The following RABGAP1L variants were observed in gnomAD, a reference collection of about 807,000 sequenced individuals.
The protein encoded by RABGAP1L is RAB GTPase activating protein 1 like, also known as rab GTPase-activating protein 1-like.
A neutral mutation model predicts 137.7 loss-of-function variants in RABGAP1L; 63 were observed. The ratio of observed to expected loss-of-function variants is 0.46; its 90% CI spans 0.37 to 0.56. The LOEUF is 0.56. RABGAP1L is among the 20% of genes least tolerant of loss of function. RABGAP1L has a pLI of 0.00. For missense variants in RABGAP1L, 1,095 were observed against 1,244.0 expected (o/e 0.88, Z 1.80); for synonymous variants, 431 against 433.7 (o/e 0.99, Z 0.08).
chr1:174,314,544 G>C (rs545503531), intron 11 of RABGAP1L, among the ~76,000 whole-genome samples: 119 of 151,810 alleles, frequency 7.8e-4, no homozygotes, highest in South Asian at 2.1e-3. Flanking sequence ...ACTAATTTTG[G>C]GTTTGGTTTG....
At chr1:174,173,927 A>G (rs903146734) in intron 1 of RABGAP1L, among the ~76,000 whole-genome samples, 6 of 152,216 alleles carry the variant, frequency 3.9e-5, no homozygotes, top group Non-Finnish European at 8.8e-5. Flanking sequence ...GTCTTTACCT[A>G]TCTAGACTCA....
At chr1:174,610,718 T>G (rs1297160216) in intron 13 of RABGAP1L, among the ~76,000 whole-genome samples, 1 of 152,212 alleles carries the variant, frequency 6.6e-6, no homozygotes, top group African/African-American at 2.4e-5. Flanking sequence ...CAGCACCTGT[T>G]CTTTCCTGAC....
intron 14 of RABGAP1L, among the ~76,000 whole-genome samples, chr1:174,640,759 C>T (rs1417520372): frequency 4.6e-5 from 7 of 151,670 alleles, no homozygotes; most frequent in Non-Finnish European, 1.0e-4. Flanking sequence ...TGTCTCTTGT[C>T]TTATTGCACT....
In RABGAP1L at chr1:174,817,024, C is replaced by T. The variant is rs117243892; in HGVS notation, c.2340+5064C>T. Among the ~76,000 whole-genome samples the T allele has an allele frequency of 2.1e-3, 314 of 152,206 alleles. 10 individuals are homozygous for T. The East Asian group carries it at 0.054, about 26-fold the overall frequency. Reference sequence around the variant, plus strand: ...GATTACAGGCGTGAGCCACTGCACTCGGTCAGTCCTTTTTTTTTGTTTTGT... The same window carrying T: ...GATTACAGGCGTGAGCCACTGCACTTGGTCAGTCCTTTTTTTTTGTTTTGT... On this transcript the variant is annotated intron_variant, in intron 19 of 25. Transcript: ENST00000681986.
At chr1:174,699,706 G>A in intron 16 of RABGAP1L, 56 bp downstream of exon 16, 1 of 1,474,140 alleles carries the variant, frequency 6.8e-7, no homozygotes, top group Non-Finnish European at 9.3e-7. Flanking sequence ...CATAGAAAAA[G>A]CCTAATAGAG....
chr1:174,281,515 A>G (rs1300978282), intron 10 of RABGAP1L, among the ~76,000 whole-genome samples: 1 of 152,176 alleles, frequency 6.6e-6, no homozygotes, highest in African/African-American at 2.4e-5. Flanking sequence ...TCCAAGTCCC[A>G]CCCGACCCAG....
chr1:174,540,828 A>G (rs1306876871), intron 13 of RABGAP1L, among the ~76,000 whole-genome samples: 1 of 152,204 alleles, frequency 6.6e-6, no homozygotes, highest in African/African-American at 2.4e-5. Flanking sequence ...CAATTCTGTG[A>G]AGAAAGTCAC....
intron 13 of RABGAP1L, among the ~76,000 whole-genome samples, chr1:174,438,532 A>G (rs1653700755): frequency 6.6e-6 from 1 of 151,740 alleles, no homozygotes; most frequent in Non-Finnish European, 1.5e-5. Context: ...AGCCTGGTCA[A>G]CATAGTGAAA....
rs944690712 is a variant in RABGAP1L at position 174,476,003 on chromosome 1, A to G, written c.1710+81858A>G. 3.8e-4 allele frequency among the ~76,000 whole-genome samples: 58 copies of G among 152,026 alleles called. 1 individual carries two copies. Among genetic ancestry groups the G allele is most frequent in the Non-Finnish European group, 1.2e-4 (8 of 67,986 alleles). On this transcript the variant is annotated intron_variant, in intron 13 of 25. Coordinates refer to ENST00000681986, the MANE Select transcript of RABGAP1L (RefSeq NM_001366446.1). ...CTTTCTAAGTTGAAGTTGAAAGAAC[A>G]ATAGGGTGGGAGTCAGGAGATGTGA...
intron 19 of RABGAP1L, among the ~76,000 whole-genome samples, chr1:174,892,251 C>T (rs1168952030): frequency 8.5e-5 from 13 of 152,204 alleles, no homozygotes; most frequent in South Asian, 2.1e-4. Flanking sequence ...CACCCGTGAG[C>T]GAACTCAGCC....
chr1:174,304,991 G>A lies in RABGAP1L; in HGVS notation c.1329G>A (p.Glu443=). ...TACTGTTATATTTTTCTCAGTCTGA[G>A]GGAAAAGGCCATACCAATGCTGGAG... ...ETFFMRLKQS[E]GKGHTNAGDA... Residue 443 remains glutamate (E), a synonymous_variant, in exon 11 of 26, where the codon GAG becomes GAA. Transcript: ENST00000681986. The A allele has an allele frequency of 1.3e-6, 2 of 1,544,796 alleles. No homozygotes were observed.
At chr1:174,436,756 G>A (rs1369338950) in intron 13 of RABGAP1L, among the ~76,000 whole-genome samples, 1 of 152,128 alleles carries the variant, frequency 6.6e-6, no homozygotes, top group Non-Finnish European at 1.5e-5. Context: ...ATCTCAGAAT[G>A]GGCAGACTGC....
chr1:174,458,404 T>C (rs929956039), intron 13 of RABGAP1L, among the ~76,000 whole-genome samples: 12 of 152,010 alleles, frequency 7.9e-5, no homozygotes, highest in African/African-American at 2.9e-4. Flanking sequence ...ATGCCCTTTG[T>C]ATGCTACTCA....
chr1:174,538,263 C>G (rs577797132), intron 13 of RABGAP1L, among the ~76,000 whole-genome samples: 3 of 152,220 alleles, frequency 2.0e-5, no homozygotes, highest in Non-Finnish European at 4.4e-5. Flanking sequence ...TCCTGCTTTT[C>G]AACCTAGGAG....
At chr1:174,817,729 G>A (rs1009548614) in intron 19 of RABGAP1L, among the ~76,000 whole-genome samples, 32 of 152,190 alleles carry the variant, frequency 2.1e-4, no homozygotes, top group Non-Finnish European at 4.1e-4. Context: ...GGATTGAAAG[G>A]GTTAAGATTC....
At chr1:174,413,448 A>G (rs1052089036) in intron 13 of RABGAP1L, among the ~76,000 whole-genome samples, 3 of 151,930 alleles carry the variant, frequency 2.0e-5, no homozygotes, top group Admixed American at 6.6e-5. Context: ...GTCATTTATG[A>G]GTTTCCATTT....
intron 13 of RABGAP1L, among the ~76,000 whole-genome samples, chr1:174,407,953 C>T (rs1468054907): frequency 2.0e-5 from 3 of 152,150 alleles, no homozygotes; most frequent in African/African-American, 7.2e-5. Context: ...CAAGCAGATA[C>T]ACTCACCACA....
intron 13 of RABGAP1L, among the ~76,000 whole-genome samples, chr1:174,427,609 C>T (rs10912786): frequency 0.35 from 53,554 of 151,724 alleles, 12,105 homozygotes; most frequent in African/African-American, 0.64. Context: ...TTTCTTATTC[C>T]CCTAGATAGA....
At chr1:174,601,868 C>T (rs573104221) in intron 13 of RABGAP1L, among the ~76,000 whole-genome samples, 17 of 152,206 alleles carry the variant, frequency 1.1e-4, no homozygotes, top group South Asian at 4.2e-4. Context: ...AGGGCAGGGA[C>T]GAAATGCCAC....
Sources: gnomAD v4.1 joint callset for allele counts (sites outside exome capture counted in the v4.1 genomes callset) on GRCh38, gnomAD v4.1.1 for gene constraint, MANE v1.5 for transcripts, NCBI Gene and HGNC (gene_info 2026-07-23, HGNC 2026-07-21) for gene names.